Variants in APOBEC3G observed in about 807,000 individuals in gnomAD.
APOBEC3G encodes the protein apolipoprotein B mRNA editing enzyme catalytic subunit 3G, also known as DNA dC->dU-editing enzyme APOBEC-3G.
APOBEC3G carries 44 observed loss-of-function variants against 50.0 expected under a neutral mutation model. That is an observed-to-expected ratio of 0.88 (90% CI 0.69 to 1.13). The LOEUF (loss-of-function observed/expected upper bound fraction) is 1.13. APOBEC3G is among the 50% of genes most tolerant of loss of function. APOBEC3G has a pLI of 0.00. For missense variants in APOBEC3G, 469 were observed against 492.0 expected (o/e 0.95, Z 0.44); for synonymous variants, 156 against 175.3 (o/e 0.89, Z 0.87).
At position 39,084,024 on chromosome 22, in the gene APOBEC3G, C is replaced by T. The variant is rs1928592258; in HGVS notation, c.735+140C>T. ...TTCCTGTAGCTGCTGCTGCTTGGCC[C>T]TGGGGTTGGGGGAGACTTCGGCTTC... On this transcript the variant is annotated intron_variant, in intron 5 of 7. Coordinates refer to ENST00000407997, the MANE Select transcript of APOBEC3G (RefSeq NM_021822.4). 4 of 1,174,672 alleles carry T rather than the reference C, an allele frequency of 3.4e-6. No individual in the cohort carries two copies. In the African/African-American group the frequency reaches 4.6e-5, roughly 14 times the overall value. 72.8% of individuals were successfully genotyped at this position (1,174,672 alleles called of 1,614,324 possible).
intron 5 of APOBEC3G, among the ~76,000 whole-genome samples, chr22:39,085,381 G>A (rs1012285179): frequency 6.6e-6 from 1 of 152,088 alleles, no homozygotes; most frequent in Non-Finnish European, 1.5e-5. Flanking sequence ...GGGAATTGAC[G>A]GGTAGACAGG....
At chr22:39,086,976 C>T (rs369048288) in intron 6 of APOBEC3G, 35 bp from the exon 7 acceptor site, 66 of 1,568,232 alleles carry the variant, frequency 4.2e-5, no homozygotes, top group Non-Finnish European at 5.1e-5. Flanking sequence ...GATCCCACAG[C>T]GGGAGTGTGA....
At chr22:39,085,053 G>A (rs1928634039) in intron 5 of APOBEC3G, among the ~76,000 whole-genome samples, 1 of 152,190 alleles carries the variant, frequency 6.6e-6, no homozygotes, top group South Asian at 2.1e-4. Flanking sequence ...CCCCAGGAAT[G>A]ACCCACAGCC....
chr22:39,083,670 G>A, intron 4 of APOBEC3G, 61 bp from the exon 5 acceptor site: 4 of 1,569,020 alleles, frequency 2.5e-6, no homozygotes, highest in African/African-American at 1.3e-5. Flanking sequence ...TGGAGAGGGA[G>A]GGGGAGGTGG....
chr22:39,077,138 G>T, upstream of APOBEC3G: 1 of 649,942 alleles, frequency 1.5e-6, no homozygotes, highest in South Asian at 2.0e-5. Context: ...CCTCTGCCAG[G>T]GGGAGGGCCC....
chr22:39,084,499 C>T (rs1339814880), intron 5 of APOBEC3G, among the ~76,000 whole-genome samples: 1 of 151,334 alleles, frequency 6.6e-6, no homozygotes, highest in African/African-American at 2.4e-5. Flanking sequence ...TGCACTCCAC[C>T]TGGGCAACAG....
At chr22:39,078,627 T>C (rs1392857120) in intron 1 of APOBEC3G, 1 of 296,754 alleles carries the variant, frequency 3.4e-6, no homozygotes, top group African/African-American at 2.2e-5. Context: ...TTAACAATAA[T>C]AATATACAGA....
intron 7 of APOBEC3G, 44 bp from the exon 8 acceptor site, chr22:39,087,363 C>T: frequency 1.2e-6 from 2 of 1,614,106 alleles, no homozygotes; most frequent in South Asian, 1.1e-5. Flanking sequence ...GCCTACTTTC[C>T]ACTCGCTCAC....
chr22:39,084,703 G>T (rs1260355097), intron 5 of APOBEC3G, among the ~76,000 whole-genome samples: 1 of 152,182 alleles, frequency 6.6e-6, no homozygotes, highest in Admixed American at 6.5e-5. Context: ...AGAGACTGAG[G>T]CAGGAGAGGC....
At position 39,078,292 on chromosome 22, in the gene APOBEC3G, C is replaced by T. The variant is rs574355055; in HGVS notation, c.18-640C>T. ...AAAAAAACAAAAACAAAAGAAAAAA[C>T]ATGGAATATATGGGAAAAAAACTCA... On this transcript the variant is annotated intron_variant, in intron 1 of 7. Coordinates refer to ENST00000407997, the MANE Select transcript of APOBEC3G (RefSeq NM_021822.4). Among the ~76,000 whole-genome samples, 4 of 152,056 alleles carry T rather than the reference C, an allele frequency of 2.6e-5. No individual in the cohort carries two copies. The East Asian group carries it at 7.7e-4, about 29-fold the overall frequency.
chr22:39,078,921 T>C lies in APOBEC3G; in HGVS notation c.18-11T>C. On this transcript the variant is annotated splice_polypyrimidine_tract_variant and intron_variant, in intron 1 of 7. Coordinates refer to ENST00000407997, the MANE Select transcript of APOBEC3G (RefSeq NM_021822.4). The stretch of plus-strand genomic sequence containing the variant: ...TCTCTACATTGGCTGGTTTCTCTCT[T>C]GTGTCTTCAGAAACACAGTGGAGCG... 1 of 1,613,410 alleles carries C rather than the reference T, an allele frequency of 6.2e-7. No homozygotes were observed. Among genetic ancestry groups the C allele is most frequent in the Non-Finnish European group, 8.5e-7 (1 of 1,179,568 alleles).
chr22:39,077,230 C>G (rs150525951), upstream of APOBEC3G: 2,854 of 1,489,480 alleles, frequency 1.9e-3, 101 homozygotes, highest in East Asian at 0.051. Context: ...GAGCAGGAAG[C>G]GGGAGGGGCC....
At chr22:39,085,200 G>A (rs1040459232) in intron 5 of APOBEC3G, among the ~76,000 whole-genome samples, 3 of 152,212 alleles carry the variant, frequency 2.0e-5, no homozygotes. Context: ...ATCACCCCAT[G>A]ACTGGGGCCC....
chr22:39,083,802 C>T lies in APOBEC3G; in HGVS notation c.653C>T (p.Thr218Ile). 4 of 1,614,092 alleles carry T rather than the reference C, an allele frequency of 2.5e-6. No individual in the cohort carries two copies. The highest frequency in any genetic ancestry group is 3.4e-6 in the Non-Finnish European group (4 of 1,179,950). ...NEPWVRGRHETYLCYEVERMH... is the reference protein window; with the variant it reads ...NEPWVRGRHEIYLCYEVERMH... ...CCTTGGGTCAGAGGACGGCATGAGA[C>T]TTACCTGTGTTATGAGGTGGAGCGC... The change falls in exon 5 of 8, where the codon ACT becomes ATT. Residue 218 changes from threonine (T) to isoleucine (I), a missense_variant. Coordinates refer to ENST00000407997, the MANE Select transcript of APOBEC3G (RefSeq NM_021822.4).
intron 6 of APOBEC3G, 47 bp from the exon 7 acceptor site, chr22:39,086,964 A>C (rs1005475449): frequency 1.3e-6 from 2 of 1,555,746 alleles, no homozygotes; most frequent in Middle Eastern, 2.3e-4. Context: ...TGGTGCCACC[A>C]CGATCCCACA....
At chr22:39,081,396 C>T in intron 3 of APOBEC3G, 75 bp from the exon 4 acceptor site, 2 of 1,541,454 alleles carry the variant, frequency 1.3e-6, no homozygotes, top group South Asian at 1.1e-5. Flanking sequence ...TAGAATATGT[C>T]TGGGAGGGGA....
chr22:39,085,309 T>C (rs1240124779), intron 5 of APOBEC3G, among the ~76,000 whole-genome samples: 3 of 152,162 alleles, frequency 2.0e-5, no homozygotes, highest in East Asian at 1.9e-4. Context: ...GTGGGCTTAA[T>C]ACAGGGTAAA....
intron 1 of APOBEC3G, among the ~76,000 whole-genome samples, chr22:39,078,115 T>A (rs1397343641): frequency 1.3e-5 from 2 of 151,982 alleles, no homozygotes; most frequent in Non-Finnish European, 2.9e-5. Flanking sequence ...CAAAATTAGC[T>A]GGGTGTGGTG....
chr22:39,079,709 C>A (rs1192737019), intron 2 of APOBEC3G: 1 of 152,012 alleles, frequency 6.6e-6, no homozygotes, highest in Admixed American at 6.6e-5. Context: ...AATGAAGTTT[C>A]TTTTTCTTGT....
Sources: allele counts gnomAD v4.1 joint callset (sites outside exome capture counted in the v4.1 genomes callset), GRCh38; gene constraint gnomAD v4.1.1; transcripts MANE v1.5; gene names NCBI Gene and HGNC (gene_info 2026-07-23, HGNC 2026-07-21).